The following KLF8 variants were observed in gnomAD, a reference collection of about 807,000 sequenced individuals.
The protein encoded by KLF8 is KLF transcription factor 8, also known as Krueppel-like factor 8.
In KLF8, 10 loss-of-function variants were observed where a neutral mutation model predicts 18.2. That is an observed-to-expected ratio of 0.55 (90% CI 0.34 to 0.93). The LOEUF is 0.93. Among genes scored for constraint, KLF8 ranks in the 40% least tolerant of loss-of-function variants. The pLI is 0.02. For synonymous variants in KLF8, 109 were observed against 97.3 expected (o/e 1.12, Z -0.71); for missense variants, 264 against 277.9 (o/e 0.95, Z 0.36).
At chrX:56,224,773 C>T in the KLF8 span, among the ~76,000 whole-genome samples, 1 of 111,720 alleles carries the variant, frequency 9.0e-6, no homozygotes, top group Non-Finnish European at 1.9e-5. Context: ...TAACAAAATA[C>T]CCCAGACCTG....
the KLF8 span, among the ~76,000 whole-genome samples, chrX:56,101,305 C>G: frequency 8.7e-4 from 97 of 111,615 alleles, 1 homozygote; most frequent in East Asian, 0.025. Context: ...TGATTTTATT[C>G]TTTTTTATGG....
the KLF8 span, among the ~76,000 whole-genome samples, chrX:56,151,880 C>T: frequency 9.0e-6 from 1 of 111,658 alleles, no homozygotes; most frequent in Non-Finnish European, 1.9e-5. Flanking sequence ...ATAACACACC[C>T]TGGCATTTAA....
chrX:55,980,979 G>A, the KLF8 span, among the ~76,000 whole-genome samples: 1 of 112,181 alleles, frequency 8.9e-6, no homozygotes, highest in African/African-American at 3.2e-5. Context: ...AATCACCTGA[G>A]ATCAGGAATT....
chrX:55,980,700 C>A, the KLF8 span, among the ~76,000 whole-genome samples: 1 of 111,677 alleles, frequency 9.0e-6, no homozygotes, highest in Non-Finnish European at 1.9e-5. Flanking sequence ...ATCAATTGTC[C>A]CTAATGCAAC....
chrX:56,213,321 T>C, the KLF8 span, among the ~76,000 whole-genome samples: 1 of 74,350 alleles, frequency 1.3e-5, no homozygotes, highest in African/African-American at 5.1e-5. Flanking sequence ...TTTCTTTTTT[T>C]TTTTTTTTTT....
At chrX:56,200,990 G>T in the KLF8 span, among the ~76,000 whole-genome samples, 1 of 111,509 alleles carries the variant, frequency 9.0e-6, no homozygotes, top group Non-Finnish European at 1.9e-5. Context: ...TAGGATTGTG[G>T]AGAAAACTAC....
In KLF8 at chrX:56,289,441, G is replaced by T. The variant is rs2067301383; in HGVS notation, c.*4947G>T. 8.9e-6 allele frequency among the ~76,000 whole-genome samples: 1 copy of T among 111,796 alleles called. No individual in the cohort carries two copies. Among genetic ancestry groups the T allele is most frequent in the Non-Finnish European group, 1.9e-5 (1 of 53,165 alleles). ...GTATGTTCATTGTTACTGGGCTATT[G>T]TTGCTTCTAGGGTGTCTCAGCTAAC... On this transcript the variant is annotated 3_prime_UTR_variant, in exon 6 of 6. Transcript: ENST00000468660.
chrX:56,032,235 G>T, the KLF8 span, among the ~76,000 whole-genome samples: 2 of 111,667 alleles, frequency 1.8e-5, no homozygotes, highest in East Asian at 2.8e-4. Context: ...GCCTCCCAAA[G>T]TGCTGGTGAT....
the KLF8 span, among the ~76,000 whole-genome samples, chrX:56,005,830 G>T: frequency 9.0e-6 from 1 of 111,628 alleles, no homozygotes; most frequent in South Asian, 3.7e-4. Flanking sequence ...GAGGATGCAG[G>T]TAGGCTGGTG....
At chrX:56,178,189 C>T in the KLF8 span, among the ~76,000 whole-genome samples, 12 of 112,438 alleles carry the variant, frequency 1.1e-4, no homozygotes, top group Non-Finnish European at 1.9e-4. Context: ...TCTTCTGCTT[C>T]GCTCACGCTG....
chrX:56,225,061 C>T, the KLF8 span, among the ~76,000 whole-genome samples: 1 of 111,308 alleles, frequency 9.0e-6, no homozygotes, highest in African/African-American at 3.3e-5. Flanking sequence ...TTCCAAAAGG[C>T]CCTACCTCTT....
the KLF8 span, among the ~76,000 whole-genome samples, chrX:56,122,251 C>T: frequency 9.0e-6 from 1 of 111,386 alleles, no homozygotes; most frequent in Non-Finnish European, 1.9e-5. Context: ...ACTTGGAAGT[C>T]AACATGCCAA....
the KLF8 span, among the ~76,000 whole-genome samples, chrX:56,006,593 G>A: frequency 8.9e-6 from 1 of 112,271 alleles, no homozygotes; most frequent in Non-Finnish European, 1.9e-5. Flanking sequence ...ATGATTATTG[G>A]TGTTGAGAAT....
the KLF8 span, among the ~76,000 whole-genome samples, chrX:56,082,662 A>G: frequency 9.0e-6 from 1 of 111,042 alleles, no homozygotes; most frequent in African/African-American, 3.3e-5. Context: ...CTTCCTCAGA[A>G]GATATTTTAC....
the KLF8 span, among the ~76,000 whole-genome samples, chrX:56,152,078 T>G: frequency 1.8e-5 from 2 of 112,191 alleles, no homozygotes; most frequent in Admixed American, 1.9e-4. Context: ...TTACAGGGAT[T>G]TGCTTTGTAG....
chrX:56,050,824 G>T, the KLF8 span, among the ~76,000 whole-genome samples: 3 of 110,016 alleles, frequency 2.7e-5, no homozygotes, highest in South Asian at 7.8e-4. Context: ...GGGTATCCTT[G>T]TTGACTTTCT....
chrX:56,114,216 A>G, the KLF8 span, among the ~76,000 whole-genome samples: 1 of 111,940 alleles, frequency 8.9e-6, no homozygotes, highest in Non-Finnish European at 1.9e-5. Context: ...CTTGGCACCC[A>G]CAGGGGATAA....
the KLF8 span, among the ~76,000 whole-genome samples, chrX:56,024,686 A>G: frequency 8.9e-6 from 1 of 111,837 alleles, no homozygotes; most frequent in Non-Finnish European, 1.9e-5. Context: ...TGCACCGGTA[A>G]TCAGAGTGAA....
the KLF8 span, among the ~76,000 whole-genome samples, chrX:56,112,479 TA>T: frequency 4.5e-5 from 5 of 111,871 alleles, no homozygotes; most frequent in East Asian, 2.8e-4. Flanking sequence ...TAAAGTATAA[TA>T]AAAAAAATTT....
Sources: gnomAD v4.1 joint callset for allele counts (sites outside exome capture counted in the v4.1 genomes callset) on GRCh38, gnomAD v4.1.1 for gene constraint, MANE v1.5 for transcripts, NCBI Gene and HGNC (gene_info 2026-07-23, HGNC 2026-07-21) for gene names.